Variants in CAMK1D observed in about 807,000 individuals in gnomAD.
CAMK1D encodes calcium/calmodulin dependent protein kinase ID, also known as calcium/calmodulin-dependent protein kinase type 1D.
CAMK1D carries 9 observed loss-of-function variants against 47.7 expected under a neutral mutation model. The observed-to-expected ratio is 0.19, with a 90% CI of 0.11 to 0.33. The LOEUF (loss-of-function observed/expected upper bound fraction) is 0.33. CAMK1D is among the 10% of genes least tolerant of loss of function. The pLI is 1.00. For missense variants in CAMK1D, 291 were observed against 488.7 expected, an observed-to-expected ratio of 0.60 and a Z score of 3.81; for synonymous variants, 184 against 184.9, an observed-to-expected ratio of 0.99 and a Z score of 0.04.
intron 1 of CAMK1D, among the ~76,000 whole-genome samples, chr10:12,546,262 A>G (rs901736542): frequency 6.6e-6 from 1 of 151,874 alleles, no homozygotes; most frequent in Non-Finnish European, 1.5e-5. Flanking sequence ...GAAGTGAGAG[A>G]AGGAGGACAT....
chr10:12,387,924 C>T (rs1838582304), intron 1 of CAMK1D, among the ~76,000 whole-genome samples: 1 of 152,154 alleles, frequency 6.6e-6, no homozygotes, highest in Admixed American at 6.6e-5. Context: ...TGCTGGCGCC[C>T]CACCAATGCT....
At chr10:12,391,974 A>ACACAC (rs1374863932) in intron 1 of CAMK1D, among the ~76,000 whole-genome samples, 2 of 101,228 alleles carry the variant, frequency 2.0e-5, no homozygotes, top group African/African-American at 7.7e-5. Context: ...GACTTGTCTT[A>ACACAC]AAACACACAC....
At chr10:12,654,121 A>G (rs11257930) in intron 2 of CAMK1D, among the ~76,000 whole-genome samples, 66,363 of 152,156 alleles carry the variant, frequency 0.44, 16,724 homozygotes, top group Non-Finnish European at 0.55. Flanking sequence ...TAGAAACCTC[A>G]AAGATGCTTC....
At chr10:12,822,555 C>T (rs1833053170) in intron 8 of CAMK1D, among the ~76,000 whole-genome samples, 1 of 152,224 alleles carries the variant, frequency 6.6e-6, no homozygotes, top group African/African-American at 2.4e-5. Context: ...GGCCCAGAGT[C>T]TCCCCGACCC....
intron 3 of CAMK1D, among the ~76,000 whole-genome samples, chr10:12,680,266 A>G (rs1313725112): frequency 6.6e-6 from 1 of 152,206 alleles, no homozygotes; most frequent in Non-Finnish European, 1.5e-5. Context: ...AGAGCATTGA[A>G]TGGACTGGAG....
intron 1 of CAMK1D, among the ~76,000 whole-genome samples, chr10:12,360,847 G>A (rs781708053): frequency 3.3e-5 from 5 of 152,112 alleles, no homozygotes; most frequent in Admixed American, 6.6e-5. Context: ...CTGCTGTGTC[G>A]CTGCCTCTCC....
chr10:12,474,564 C>G lies in CAMK1D; in HGVS notation c.93-78661C>G, dbSNP rs150595012. ...ATAACATAAACTTTACCATTTTTAA[C>G]CATTTATTTGAGGTAGATATTATTA... On this transcript the variant is annotated intron_variant, in intron 1 of 10. Transcript: ENST00000619168. 1.0e-3 allele frequency among the ~76,000 whole-genome samples: 152 copies of G among 152,028 alleles called. 1 individual carries two copies. The highest frequency in any genetic ancestry group is 3.6e-3 in the African/African-American group (149 of 41,498).
At chr10:12,697,323 C>T (rs1007569763) in intron 3 of CAMK1D, among the ~76,000 whole-genome samples, 1 of 152,128 alleles carries the variant, frequency 6.6e-6, no homozygotes, top group African/African-American at 2.4e-5. Context: ...CATTGCTAAA[C>T]GTAAAGCAAC....
intron 3 of CAMK1D, among the ~76,000 whole-genome samples, chr10:12,730,903 G>A (rs928390769): frequency 6.6e-6 from 1 of 152,200 alleles, no homozygotes; most frequent in Non-Finnish European, 1.5e-5. Flanking sequence ...AGCTTGATTG[G>A]AGCTGAATGT....
intron 1 of CAMK1D, among the ~76,000 whole-genome samples, chr10:12,397,822 T>A (rs114416112): frequency 6.6e-6 from 1 of 152,112 alleles, no homozygotes; most frequent in Non-Finnish European, 1.5e-5. Flanking sequence ...CCAGAAAAAA[T>A]CGCAGGTAAA....
intron 1 of CAMK1D, among the ~76,000 whole-genome samples, chr10:12,352,602 C>T (rs1837384931): frequency 6.6e-6 from 1 of 150,886 alleles, no homozygotes; most frequent in African/African-American, 2.4e-5. Flanking sequence ...GAGTGAGACT[C>T]GGTCTCAAAA....
rs575969784 is a variant in CAMK1D at position 12,393,133 on chromosome 10, G to A, written c.92+43223G>A. ...TCCAAGCTCCGCCTCCCGGGTTCAC[G>A]CCATTCTCCTGCCTCAGCCTCCCAA... On this transcript the variant is annotated intron_variant, in intron 1 of 10. Transcript: ENST00000619168. Among the ~76,000 whole-genome samples, 4 of 151,406 alleles carry A rather than the reference G, an allele frequency of 2.6e-5. No individual in the cohort carries two copies. In the South Asian group the frequency reaches 8.3e-4, roughly 32 times the overall value.
intron 3 of CAMK1D, among the ~76,000 whole-genome samples, chr10:12,701,643 C>T (rs2399864): frequency 0.53 from 80,683 of 152,096 alleles, 23,245 homozygotes; most frequent in Non-Finnish European, 0.64. Flanking sequence ...TATCTATCTT[C>T]CAGTGACCTT....
At chr10:12,720,124 G>A (rs1834313945) in intron 3 of CAMK1D, among the ~76,000 whole-genome samples, 1 of 152,234 alleles carries the variant, frequency 6.6e-6, no homozygotes. Context: ...ATACCCAGCT[G>A]TTGTCACCTG....
At chr10:12,444,094 T>C (rs1352301278) in intron 1 of CAMK1D, among the ~76,000 whole-genome samples, 1 of 152,098 alleles carries the variant, frequency 6.6e-6, no homozygotes, top group Non-Finnish European at 1.5e-5. Context: ...CAACCAGAGG[T>C]CACTGTCATC....
chr10:12,486,793 C>T (rs1834232321), intron 1 of CAMK1D, among the ~76,000 whole-genome samples: 1 of 152,128 alleles, frequency 6.6e-6, no homozygotes, highest in African/African-American at 2.4e-5. Flanking sequence ...TCATGCATTA[C>T]CAGGCACTGT....
intron 1 of CAMK1D, among the ~76,000 whole-genome samples, chr10:12,384,895 T>A (rs1334290044): frequency 2.0e-5 from 3 of 152,188 alleles, no homozygotes; most frequent in Admixed American, 2.0e-4. Flanking sequence ...GTAAAGGGCT[T>A]GAATCTACAA....
chr10:12,558,308 C>G (rs146909857), intron 2 of CAMK1D, among the ~76,000 whole-genome samples: 166 of 152,344 alleles, frequency 1.1e-3, no homozygotes, highest in African/African-American at 3.9e-3. Context: ...TAAGCCAGCA[C>G]TTTGGGAGGC....
chr10:12,751,108 TAA>T (rs1835952087), intron 3 of CAMK1D, among the ~76,000 whole-genome samples: 5 of 80,814 alleles, frequency 6.2e-5, no homozygotes, highest in East Asian at 4.1e-4. Context: ...TAAGATAAGA[TAA>T]GATAAGATAA....
Sources: allele counts gnomAD v4.1 joint callset (sites outside exome capture counted in the v4.1 genomes callset), GRCh38; gene constraint gnomAD v4.1.1; transcripts MANE v1.5; gene names NCBI Gene and HGNC (gene_info 2026-07-23, HGNC 2026-07-21).